The following WWOX variants were observed in gnomAD, a reference collection of about 807,000 sequenced individuals.
WWOX encodes the protein WW domain-containing oxidoreductase.
Under a neutral mutation model 46.2 loss-of-function variants are expected in WWOX, and 69 were observed. The observed-to-expected ratio is 1.49, with a 90% CI of 1.23 to 1.82. The LOEUF (loss-of-function observed/expected upper bound fraction) is 1.82. Ranked by LOEUF, WWOX falls within the 40% of genes most tolerant of loss-of-function variation. The probability of loss-of-function intolerance (pLI) is 0.00; values close to 1 mark genes in which losing one functional copy is unlikely to be tolerated. For missense variants in WWOX, 919 were observed against 542.6 expected (o/e 1.69, Z -6.89); for synonymous variants, 359 against 202.6 (o/e 1.77, Z -6.56).
intron 8 of WWOX, among the ~76,000 whole-genome samples, chr16:78,478,279 A>G (rs2151442540): frequency 6.6e-6 from 1 of 152,300 alleles, no homozygotes; most frequent in East Asian, 1.9e-4. Context: ...ATAGCTCATT[A>G]ATGTAGAAAA....
intron 8 of WWOX, among the ~76,000 whole-genome samples, chr16:79,143,487 G>A (rs2050128687): frequency 6.6e-6 from 1 of 152,176 alleles, no homozygotes. Context: ...GACTTTAATA[G>A]ATTTTACTAG....
chr16:79,051,454 A>G (rs1031515695), intron 8 of WWOX, among the ~76,000 whole-genome samples: 8 of 151,954 alleles, frequency 5.3e-5, no homozygotes, highest in African/African-American at 1.5e-4. Context: ...ACCAACGAAG[A>G]CCTTTTGAGG....
intron 8 of WWOX, among the ~76,000 whole-genome samples, chr16:78,937,249 T>A (rs79577517): frequency 4.0e-4 from 61 of 152,240 alleles, no homozygotes; most frequent in South Asian, 8.3e-4. Context: ...CAAATTTACC[T>A]GAAAGTGACC....
intron 8 of WWOX, among the ~76,000 whole-genome samples, chr16:79,180,570 C>T (rs117685124): frequency 0.012 from 1,794 of 152,248 alleles, 15 homozygotes; most frequent in Non-Finnish European, 0.018. Context: ...AAATAGGAAC[C>T]TTAGAAACCC....
intron 8 of WWOX, among the ~76,000 whole-genome samples, chr16:79,102,936 C>G (rs1352007268): frequency 2.0e-5 from 3 of 152,040 alleles, no homozygotes; most frequent in Non-Finnish European, 4.4e-5. Context: ...TCCTCTTCCT[C>G]CCTCTCTTCC....
intron 8 of WWOX, among the ~76,000 whole-genome samples, chr16:78,797,585 G>T (rs772314799): frequency 2.4e-4 from 37 of 152,116 alleles, no homozygotes; most frequent in Non-Finnish European, 2.2e-4. Context: ...CTTTAGTCAT[G>T]TCAATATTCC....
At chr16:79,143,024 G>A (rs1212451258) in intron 8 of WWOX, among the ~76,000 whole-genome samples, 3 of 151,958 alleles carry the variant, frequency 2.0e-5, no homozygotes, top group African/African-American at 7.3e-5. Context: ...TTTTTAAATA[G>A]CATTTTGGAG....
chr16:78,473,317 A>G (rs1262795282), intron 8 of WWOX, among the ~76,000 whole-genome samples: 1 of 152,128 alleles, frequency 6.6e-6, no homozygotes, highest in Non-Finnish European at 1.5e-5. Flanking sequence ...TTTAGTGGAG[A>G]CAGGATTTCA....
intron 6 of WWOX, among the ~76,000 whole-genome samples, chr16:78,401,824 T>G (rs1436794836): frequency 6.6e-6 from 1 of 152,032 alleles, no homozygotes; most frequent in Non-Finnish European, 1.5e-5. Flanking sequence ...CTCAGCCTAC[T>G]GAGTAGCTGG....
At chr16:79,026,591 C>G (rs1003747354) in intron 8 of WWOX, among the ~76,000 whole-genome samples, 2 of 149,438 alleles carry the variant, frequency 1.3e-5, no homozygotes, top group Non-Finnish European at 2.9e-5. Context: ...GGAGAGAACA[C>G]AGAGCCTGGC....
intron 8 of WWOX, among the ~76,000 whole-genome samples, chr16:78,882,659 T>C (rs1218137756): frequency 3.9e-5 from 6 of 152,050 alleles, no homozygotes; most frequent in African/African-American, 1.2e-4. Context: ...AGCTAACTTT[T>C]GTATTTTTAG....
chr16:78,424,944 C>T lies in WWOX; in HGVS notation c.680C>T (p.Thr227Ile). ...PWSLTKDGLETTFQVNHLGHF... is the reference protein window; with the variant it reads ...PWSLTKDGLEITFQVNHLGHF... ...AGTCTCACCAAAGATGGCCTGGAGACCACCTTTCAAGTGAATCATCTGGGG... is the reference window on the plus strand; with the variant it reads ...AGTCTCACCAAAGATGGCCTGGAGATCACCTTTCAAGTGAATCATCTGGGG... The change falls in exon 7 of 9, where the codon ACC becomes ATC. Residue 227 changes from threonine (T) to isoleucine (I), a missense_variant. By Grantham distance (89) the Thr-to-Ile change is moderately conservative. Transcript: ENST00000566780. 1 of 1,614,120 alleles carries T rather than the reference C, an allele frequency of 6.2e-7. No individual in the cohort carries two copies. The highest frequency in any genetic ancestry group is 8.5e-7 in the Non-Finnish European group (1 of 1,180,032).
chr16:78,136,809 C>G (rs893410449), intron 4 of WWOX, among the ~76,000 whole-genome samples: 14 of 152,150 alleles, frequency 9.2e-5, no homozygotes, highest in African/African-American at 3.4e-4. Flanking sequence ...GAAGCTGATA[C>G]TGGAGAATAT....
At chr16:78,616,612 C>G (rs922115292) in intron 8 of WWOX, among the ~76,000 whole-genome samples, 1 of 151,784 alleles carries the variant, frequency 6.6e-6, no homozygotes, top group African/African-American at 2.4e-5. Flanking sequence ...TCTACTAAAA[C>G]TAAAAACTTA....
intron 8 of WWOX, among the ~76,000 whole-genome samples, chr16:78,595,463 A>G (rs956415619): frequency 6.6e-6 from 1 of 152,188 alleles, no homozygotes; most frequent in African/African-American, 2.4e-5. Context: ...AAGATCCGCC[A>G]TGTCTTTGCA....
At chr16:78,389,758 A>G (rs1003487841) in intron 6 of WWOX, among the ~76,000 whole-genome samples, 1 of 151,880 alleles carries the variant, frequency 6.6e-6, no homozygotes, top group Admixed American at 6.6e-5. Flanking sequence ...TTTATTTTTT[A>G]TTTATTTTTT....
In WWOX at chr16:78,263,082, C is replaced by G. The variant is rs146895894; in HGVS notation, c.516+98793C>G. 3.0e-4 allele frequency among the ~76,000 whole-genome samples: 45 copies of G among 152,250 alleles called. No homozygotes were observed. In the East Asian group the frequency reaches 7.9e-3, roughly 27 times the overall value. Reference sequence around the variant, plus strand: ...ATCCGTCTTCCATTCCACAGTGTAGCAAGCCAGAAGCTGGGGGAAACATGG... The same window carrying G: ...ATCCGTCTTCCATTCCACAGTGTAGGAAGCCAGAAGCTGGGGGAAACATGG... On this transcript the variant is annotated intron_variant, in intron 5 of 8. Transcript: ENST00000566780.
intron 5 of WWOX, among the ~76,000 whole-genome samples, chr16:78,317,971 G>T (rs571134584): frequency 1.3e-5 from 2 of 152,170 alleles, no homozygotes; most frequent in South Asian, 4.1e-4. Context: ...CAAAGTGGTA[G>T]TGACTTTTTC....
chr16:78,797,245 G>A (rs1217581803), intron 8 of WWOX, among the ~76,000 whole-genome samples: 1 of 150,240 alleles, frequency 6.7e-6, no homozygotes, highest in Non-Finnish European at 1.5e-5. Context: ...CTGCTAAAGG[G>A]AAGACATGAT....
Sources: gnomAD v4.1 joint callset for allele counts (sites outside exome capture counted in the v4.1 genomes callset) on GRCh38, gnomAD v4.1.1 for gene constraint, MANE v1.5 for transcripts, NCBI Gene and HGNC (gene_info 2026-07-23, HGNC 2026-07-21) for gene names.